The following PRRX1 variants were observed in gnomAD, a reference collection of about 807,000 sequenced individuals.
PRRX1 encodes paired related homeobox 1, also known as paired mesoderm homeobox protein 1.
Under a neutral mutation model 24.0 loss-of-function variants are expected in PRRX1, and 8 were observed. The observed-to-expected ratio is 0.33, with a 90% CI of 0.20 to 0.60. The LOEUF is 0.60. PRRX1 is among the 20% of genes least tolerant of loss of function. The pLI, the probability that PRRX1 is intolerant of heterozygous loss-of-function variation, is 0.82. For missense variants in PRRX1, 281 were observed against 322.4 expected (o/e 0.87, Z 0.98); for synonymous variants, 160 against 131.7 (o/e 1.22, Z -1.47).
At chr1:170,735,983 A>T in intron 3 of PRRX1, 65 bp from the exon 4 acceptor site, 1 of 1,601,762 alleles carries the variant, frequency 6.2e-7, no homozygotes, top group Non-Finnish European at 8.6e-7. Flanking sequence ...CATCTGGGGC[A>T]CAGACTTGCA....
At chr1:170,668,903 T>C (rs1653042898) in intron 1 of PRRX1, 1 of 152,134 alleles carries the variant, frequency 6.6e-6, no homozygotes, top group Admixed American at 6.5e-5. Flanking sequence ...AACTTTTCTC[T>C]TTAGAGGAGG....
At chr1:170,676,995 A>G (rs1366378166) in intron 1 of PRRX1, among the ~76,000 whole-genome samples, 1 of 152,222 alleles carries the variant, frequency 6.6e-6, no homozygotes, top group Non-Finnish European at 1.5e-5. Flanking sequence ...AAAGGGCTAA[A>G]TGCATGTGAG....
Position 170,719,766 on chromosome 1 carries a change from G to A in PRRX1, c.282G>A (p.Gln94=), listed in dbSNP as rs1176819558. The A allele has an allele frequency of 1.9e-6, 3 of 1,614,080 alleles. No homozygotes were observed. The African/African-American group carries it at 4.0e-5, about 22-fold the overall frequency. Reference sequence around the variant, plus strand: ...CAGAAGAAAAAAAGAAGAGAAAGCAGCGAAGGAATAGGACAACCTTCAATA... The same window carrying A: ...CAGAAGAAAAAAAGAAGAGAAAGCAACGAAGGAATAGGACAACCTTCAATA... ...LNSEEKKKRK[Q]RRNRTTFNSS... Residue 94 remains glutamine, a synonymous_variant, in exon 2 of 4, where the codon CAG becomes CAA. Coordinates refer to ENST00000239461, the MANE Select transcript of PRRX1 (RefSeq NM_022716.4).
At chr1:170,705,431 TGCTACCACACCCA>T (rs1654525827) in intron 1 of PRRX1, among the ~76,000 whole-genome samples, 1 of 152,012 alleles carries the variant, frequency 6.6e-6, no homozygotes, top group Non-Finnish European at 1.5e-5. Flanking sequence ...TACAGGAGCA[TGCTACCACACCCA>T]GCTAATTTTT....
chr1:170,682,980 G>T (rs1245664891), intron 1 of PRRX1, among the ~76,000 whole-genome samples: 1 of 152,184 alleles, frequency 6.6e-6, no homozygotes, highest in African/African-American at 2.4e-5. Flanking sequence ...CAGAAAGAAG[G>T]TCAATGTGAC....
At chr1:170,720,001 C>T in intron 2 of PRRX1, 100 bp downstream of exon 2, 1 of 1,458,334 alleles carries the variant, frequency 6.9e-7, no homozygotes, top group Non-Finnish European at 9.5e-7. Context: ...AGCACAGTGG[C>T]TCATGCCTGC....
At chr1:170,698,128 AT>A (rs1414480201) in intron 1 of PRRX1, among the ~76,000 whole-genome samples, 1 of 152,102 alleles carries the variant, frequency 6.6e-6, no homozygotes, top group Non-Finnish European at 1.5e-5. Context: ...ATGGAGACAA[AT>A]ATAGCCAACA....
At chr1:170,732,689 A>C (rs12139252) in intron 3 of PRRX1, among the ~76,000 whole-genome samples, 7,179 of 152,292 alleles carry the variant, frequency 0.047, 248 homozygotes, top group Middle Eastern at 0.13. Flanking sequence ...CTGTGAAATA[A>C]GATGGCTTTG....
At chr1:170,692,046 TG>T (rs1654001506) in intron 1 of PRRX1, among the ~76,000 whole-genome samples, 1 of 152,110 alleles carries the variant, frequency 6.6e-6, no homozygotes, top group Admixed American at 6.6e-5. Flanking sequence ...AGGTCATATA[TG>T]GGTCTAGAAT....
chr1:170,684,510 TG>T (rs1476188043), intron 1 of PRRX1, among the ~76,000 whole-genome samples: 3 of 152,216 alleles, frequency 2.0e-5, no homozygotes, highest in South Asian at 2.1e-4. Flanking sequence ...CCCAGCATTT[TG>T]GGAGGCCAAG....
intron 1 of PRRX1, among the ~76,000 whole-genome samples, chr1:170,701,952 C>A (rs1477360733): frequency 2.6e-5 from 4 of 151,472 alleles, no homozygotes; most frequent in Non-Finnish European, 5.9e-5. Flanking sequence ...AGTCCCCAAC[C>A]TTTTTGACAC....
intron 1 of PRRX1, among the ~76,000 whole-genome samples, chr1:170,693,549 A>G (rs1028126248): frequency 2.0e-5 from 3 of 152,078 alleles, no homozygotes; most frequent in African/African-American, 7.2e-5. Context: ...TTCCCTATCC[A>G]CCAGCCCCCA....
In PRRX1 at chr1:170,720,044, C is replaced by T. The variant is rs550194913; in HGVS notation, c.417+143C>T. On this transcript the variant is annotated intron_variant, in intron 2 of 3. Coordinates refer to ENST00000239461, the MANE Select transcript of PRRX1 (RefSeq NM_022716.4). The stretch of plus-strand genomic sequence containing the variant: ...GCACGTTGGGAGGTTGAGGCAGGCA[C>T]ATTGCTTGAGCTCAGGAGTTCGAAA... 8.9e-6 allele frequency: 10 copies of T among 1,124,914 alleles called. No homozygotes were observed. The Admixed American group carries it at 1.8e-4, about 20-fold the overall frequency. 69.7% of individuals were successfully genotyped at this position (1,124,914 alleles called of 1,614,324 possible).
intron 3 of PRRX1, chr1:170,730,064 C>A: frequency 1.6e-6 from 1 of 624,702 alleles, no homozygotes; most frequent in South Asian, 1.8e-5. Flanking sequence ...TAGTGAATGG[C>A]CTGGTTTTGC....
At chr1:170,686,432 A>G (rs1381982135) in intron 1 of PRRX1, among the ~76,000 whole-genome samples, 1 of 152,144 alleles carries the variant, frequency 6.6e-6, no homozygotes, top group Non-Finnish European at 1.5e-5. Context: ...CAATAATCCC[A>G]TAGTTTTCAG....
chr1:170,686,552 G>A (rs1653750008), intron 1 of PRRX1, among the ~76,000 whole-genome samples: 1 of 152,134 alleles, frequency 6.6e-6, no homozygotes. Context: ...AGCCTTAGGG[G>A]GTAGCTGTTT....
chr1:170,676,001 G>C (rs1188025766), intron 1 of PRRX1, among the ~76,000 whole-genome samples: 1 of 152,148 alleles, frequency 6.6e-6, no homozygotes, highest in Non-Finnish European at 1.5e-5. Flanking sequence ...GAAAGAAAGA[G>C]AACCACCCAG....
chr1:170,714,701 A>T (rs1265200780), intron 1 of PRRX1, among the ~76,000 whole-genome samples: 1 of 152,304 alleles, frequency 6.6e-6, no homozygotes, highest in East Asian at 1.9e-4. Context: ...GGCCTTAGTG[A>T]ATAGGGATCA....
At chr1:170,663,506 T>G (rs1652799139), upstream of PRRX1, 1 of 152,058 alleles carries the variant, frequency 6.6e-6, no homozygotes, top group Non-Finnish European at 1.5e-5. Context: ...CTTAATTTTT[T>G]TTTTTACTCT....
Sources: allele counts gnomAD v4.1 joint callset (sites outside exome capture counted in the v4.1 genomes callset), GRCh38; gene constraint gnomAD v4.1.1; transcripts MANE v1.5; gene names NCBI Gene and HGNC (gene_info 2026-07-23, HGNC 2026-07-21).